The following CHRD variants were observed in gnomAD, a reference collection of about 807,000 sequenced individuals.
CHRD encodes the protein chordin.
CHRD carries 69 observed loss-of-function variants against 113.7 expected under a neutral mutation model. The ratio of observed to expected loss-of-function variants is 0.61; its 90% CI spans 0.50 to 0.74. CHRD has a LOEUF of 0.74. CHRD is among the 30% of genes least tolerant of loss of function. CHRD has a pLI of 0.00. For missense variants in CHRD, 1,194 were observed against 1,295.8 expected (o/e 0.92, Z 1.21); for synonymous variants, 561 against 540.8 (o/e 1.04, Z -0.52).
intron 14 of CHRD, 117 bp downstream of exon 14, chr3:184,385,355 A>G (rs1307695111): frequency 2.8e-6 from 2 of 706,106 alleles, no homozygotes; most frequent in Non-Finnish European, 2.4e-6. Flanking sequence ...AAGAGCTGGC[A>G]TAAATAAAAT....
chr3:184,387,613 G>T lies in CHRD; in HGVS notation c.2451+136G>T. 2.4e-6 allele frequency: 2 copies of T among 839,098 alleles called. No homozygotes were observed. Among genetic ancestry groups the T allele is most frequent in the Non-Finnish European group, 3.6e-6 (2 of 553,534 alleles). The allele number at this position is 839,098 out of a possible 1,614,324, so 52.0% of individuals were successfully genotyped here. ...AAACGATATGAGAAAAGGCCCTTGC[G>T]CTCTGAGAGTCGGCTTCCTGTGGGA... On this transcript the variant is annotated intron_variant, in intron 19 of 22. Coordinates refer to ENST00000204604, the Ensembl canonical transcript of CHRD. This position sits in a 1 kb window ranked among gnomAD's most constrained non-coding sequence, Gnocchi z 6.1.
At chr3:184,385,185 C>G (rs780745807) in exon 14 of CHRD, 5 of 1,614,016 alleles carry the variant, frequency 3.1e-6, no homozygotes, top group Non-Finnish European at 4.2e-6. Context: ...CCTCCTTGGG[C>G]CTCCTGGAAC....
chr3:184,383,233 G>A (rs1369153507), intron 10 of CHRD, 70 bp downstream of exon 10: 2 of 1,590,316 alleles, frequency 1.3e-6, no homozygotes, highest in East Asian at 2.2e-5. Flanking sequence ...GCCAGGGTGG[G>A]TGTGGGAGAG....
rs1715383087 is a variant in CHRD, at chr3:184,381,435, G to A, written c.383-61G>A. ...CTAGGTCCCGGGCCACTTGGATGGG[G>A]CGTCGGACTGGCCTTTCCCATGGCC... On this transcript the variant is annotated intron_variant, in intron 3 of 22. Transcript: ENST00000204604. The surrounding 1 kb of genome is among the most constrained non-coding windows in gnomAD (Gnocchi z 4.7). The A allele has an allele frequency of 6.3e-7, 1 of 1,597,208 alleles. No individual in the cohort carries two copies. The highest frequency in any genetic ancestry group is 1.7e-5 in the Admixed American group (1 of 59,060).
Position 184,381,159 on chromosome 3 carries a change from G to T in CHRD, c.253-76G>T. ...AGTGGCAGAGCTGGCTGACTCTGCGGGACATCCTTGCCTGGGGGGGTCTCA... is the reference window on the plus strand; with the variant it reads ...AGTGGCAGAGCTGGCTGACTCTGCGTGACATCCTTGCCTGGGGGGGTCTCA... On this transcript the variant is annotated intron_variant, in intron 2 of 22. Coordinates refer to ENST00000204604, the Ensembl canonical transcript of CHRD. This position sits in a 1 kb window ranked among gnomAD's most constrained non-coding sequence, Gnocchi z 4.7. 1 of 1,553,096 alleles carries T rather than the reference G, an allele frequency of 6.4e-7. No homozygotes were observed.
Position 184,381,596 on chromosome 3 carries a change from G to A in CHRD, c.483G>A (p.Glu161=), listed in dbSNP as rs773495582. The A allele has an allele frequency of 1.2e-6, 2 of 1,607,838 alleles. No individual in the cohort carries two copies. The highest frequency in any genetic ancestry group is 1.7e-6 in the Non-Finnish European group (2 of 1,177,214). Residue 161 remains glutamate (E), a synonymous_variant, in exon 4 of 23, where the codon GAG becomes GAA. Transcript: ENST00000204604. This position sits in a 1 kb window ranked among gnomAD's most constrained non-coding sequence, Gnocchi z 4.7. ...GCGACCGCGGGGAGCCAGGCGCTGA[G>A]GAGCGGGCCCGTGGTGACGGCCACA...
Position 184,384,497 on chromosome 3 carries a change from C to A in CHRD, c.1441-40C>A. On this transcript the variant is annotated intron_variant, in intron 12 of 22. Coordinates refer to ENST00000204604, the Ensembl canonical transcript of CHRD. The surrounding 1 kb of genome is among the most constrained non-coding windows in gnomAD (Gnocchi z 4.4). ...GTCCAAGACTTCAGAACCTTGGACT[C>A]GTGTGAGAGCTGAGAAGGCCTATCC... 1.4e-6 allele frequency: 2 copies of A among 1,444,208 alleles called. No homozygotes were observed. The highest frequency in any genetic ancestry group is 1.8e-6 in the Non-Finnish European group (2 of 1,098,402). 89.5% of individuals were successfully genotyped at this position (1,444,208 alleles called of 1,614,324 possible). A position where few individuals can be genotyped will look rare whatever the true frequency, so the allele number is the denominator to read the frequency against.
intron 6 of CHRD, 143 bp downstream of exon 6, chr3:184,382,163 C>A: frequency 7.9e-7 from 1 of 1,271,772 alleles, no homozygotes; most frequent in Non-Finnish European, 1.1e-6. Context: ...GAAGGGGGAA[C>A]TGAGGCTCAG....
At chr3:184,386,268 G>GT in intron 15 of CHRD, 109 bp downstream of exon 15, 1 of 1,280,982 alleles carries the variant, frequency 7.8e-7, no homozygotes, top group Non-Finnish European at 1.1e-6. Flanking sequence ...GGGGGTGGTC[G>GT]TATCACAGCG....
Position 184,386,266 on chromosome 3 carries a change from T to C in CHRD, c.1932+107T>C, listed in dbSNP as rs555445768. The stretch of plus-strand genomic sequence containing the variant: ...TGCTGTCTCTGAGTCCTGGGGGTGG[T>C]CGTATCACAGCGCCCCCCCGGCTGG... On this transcript the variant is annotated intron_variant, in intron 15 of 22. Coordinates refer to ENST00000204604, the Ensembl canonical transcript of CHRD. 6 of 1,312,360 alleles carry C rather than the reference T, an allele frequency of 4.6e-6. No individual in the cohort carries two copies. In the East Asian group the frequency reaches 9.8e-5, roughly 21 times the overall value. 81.3% of individuals were successfully genotyped at this position (1,312,360 alleles called of 1,614,324 possible).
At chr3:184,385,866 T>C (rs1451164036) in intron 14 of CHRD, among the ~76,000 whole-genome samples, 180 bp from the exon 15 acceptor site, 1 of 151,696 alleles carries the variant, frequency 6.6e-6, no homozygotes, top group Admixed American at 6.6e-5. Context: ...GTGGGGTGAG[T>C]TCTCATGGAC....
exon 23 of CHRD, chr3:184,389,380 C>A (rs1716863003): frequency 1.9e-6 from 3 of 1,613,590 alleles, no homozygotes; most frequent in South Asian, 2.2e-5. Context: ...CCCCAGAGAC[C>A]AGAACTGATC....
At position 184,380,345 on chromosome 3, in the gene CHRD, C is replaced by G. The variant is rs1376912796; in HGVS notation, c.27C>G (p.Ala9=). The G allele has an allele frequency of 7.4e-7, 1 of 1,357,392 alleles. No individual in the cohort carries two copies. The highest frequency in any genetic ancestry group is 9.6e-7 in the Non-Finnish European group (1 of 1,045,050). The allele number at this position is 1,357,392 out of a possible 1,614,324, so 84.1% of individuals were successfully genotyped here. A position where few individuals can be genotyped will look rare whatever the true frequency, so the allele number is the denominator to read the frequency against. ...TGCCGAGCCTCCCGGCCCCGCCGGC[C>G]CCGCTGCTGCTCCTCGGGCTGCTGC... Residue 9 remains alanine (A), a synonymous_variant, in exon 1 of 23, where the codon GCC becomes GCG. Transcript: ENST00000204604. This position sits in a 1 kb window ranked among gnomAD's most constrained non-coding sequence, Gnocchi z 6.3.
In CHRD at chr3:184,380,297, C is replaced by T. The variant is rs1715070803; in HGVS notation, c.-22C>T. On this transcript the variant is annotated 5_prime_UTR_variant, in exon 1 of 23. Transcript: ENST00000204604. This position sits in a 1 kb window ranked among gnomAD's most constrained non-coding sequence, Gnocchi z 6.3. The stretch of plus-strand genomic sequence containing the variant: ...TCCCGCGCCCTCCTCCCTCCCTCCT[C>T]CCCAGCTGTCCCGTTCGCGTCATGC... 1 of 1,248,212 alleles carries T rather than the reference C, an allele frequency of 8.0e-7. No homozygotes were observed. Among genetic ancestry groups the T allele is most frequent in the Non-Finnish European group, 1.0e-6 (1 of 982,418 alleles). The allele number at this position is 1,248,212 out of a possible 1,614,324, so 77.3% of individuals were successfully genotyped here. A position where few individuals can be genotyped will look rare whatever the true frequency, so the allele number is the denominator to read the frequency against.
At chr3:184,389,016 T>G (rs754326433) in intron 22 of CHRD, 21 bp downstream of exon 22, 1 of 1,562,598 alleles carries the variant, frequency 6.4e-7, no homozygotes, top group East Asian at 2.2e-5. Context: ...GAGTCCAGGG[T>G]CAGCAGCTGT....
At position 184,387,825 on chromosome 3, in the gene CHRD, A is replaced by T; in HGVS notation, c.2452-106A>T. The T allele has an allele frequency of 9.6e-7, 1 of 1,043,072 alleles. No individual in the cohort carries two copies. The highest frequency in any genetic ancestry group is 1.4e-6 in the Non-Finnish European group (1 of 692,002). The allele number at this position is 1,043,072 out of a possible 1,614,324, so 64.6% of individuals were successfully genotyped here. ...ATAAAGCCAGTCCGGGCCTCTGAGT[A>T]AAAGGCCACAGAGAGACTGCATTTG... On this transcript the variant is annotated intron_variant, in intron 19 of 22. Transcript: ENST00000204604. The surrounding 1 kb of genome is among the most constrained non-coding windows in gnomAD (Gnocchi z 6.1).
At chr3:184,389,932 G>A (rs1392366095), downstream of CHRD, 5 of 155,040 alleles carry the variant, frequency 3.2e-5, no homozygotes, top group African/African-American at 1.2e-4. Context: ...GACACTTGGG[G>A]AGCTGAAAGA....
Position 184,388,639 on chromosome 3 carries a change from C to T in CHRD, c.2607C>T (p.Pro869=). The T allele has an allele frequency of 6.2e-7, 1 of 1,613,576 alleles. No homozygotes were observed. Among genetic ancestry groups the T allele is most frequent in the Non-Finnish European group, 8.5e-7 (1 of 1,180,028 alleles). The change falls in exon 21 of 23, where the codon CCC becomes CCT. Residue 869 remains proline (P), a synonymous_variant. Coordinates refer to ENST00000204604, the Ensembl canonical transcript of CHRD. The surrounding 1 kb of genome is among the most constrained non-coding windows in gnomAD (Gnocchi z 6.1). ...GGGACCCCATGCAGGCTGATGGGCCCCGGGGCTGCCGTTTTGCTGGGCAGT... is the reference window on the plus strand; with the variant it reads ...GGGACCCCATGCAGGCTGATGGGCCTCGGGGCTGCCGTTTTGCTGGGCAGT...
At position 184,388,787 on chromosome 3, in the gene CHRD, G is replaced by C; in HGVS notation, c.2709+46G>C. 6.2e-7 allele frequency: 1 copy of C among 1,610,212 alleles called. No individual in the cohort carries two copies. ...TGTGTGAGGTGGGTACTGGGAGCCT[G>C]GTCTGGAGTAGGGAGACCTTCCCAG... On this transcript the variant is annotated intron_variant, in intron 21 of 22. Transcript: ENST00000204604. The surrounding 1 kb of genome is among the most constrained non-coding windows in gnomAD (Gnocchi z 6.1).
Sources: allele counts gnomAD v4.1 joint callset (sites outside exome capture counted in the v4.1 genomes callset), GRCh38; gene constraint gnomAD v4.1.1; non-coding constraint Gnocchi (gnomAD v3.1); transcripts MANE v1.5; gene names NCBI Gene and HGNC (gene_info 2026-07-23, HGNC 2026-07-21).